The following ATP6V1H variants were observed in gnomAD, a reference collection of about 807,000 sequenced individuals.
ATP6V1H encodes V-type proton ATPase subunit H.
Under a neutral mutation model 71.7 loss-of-function variants are expected in ATP6V1H, and 39 were observed. The observed-to-expected ratio is 0.54, with a 90% CI of 0.42 to 0.71. The LOEUF (loss-of-function observed/expected upper bound fraction) is 0.71. ATP6V1H is among the 30% of genes least tolerant of loss of function. The pLI, the probability that ATP6V1H is intolerant of heterozygous loss-of-function variation, is 0.00. For synonymous variants in ATP6V1H, 192 were observed against 199.3 expected, an observed-to-expected ratio of 0.96 and a Z score of 0.31; for missense variants, 509 against 594.9, an observed-to-expected ratio of 0.86 and a Z score of 1.50.
intron 11 of ATP6V1H, among the ~76,000 whole-genome samples, chr8:53,765,175 G>C (rs1808406694): frequency 6.6e-6 from 1 of 151,976 alleles, no homozygotes; most frequent in Admixed American, 6.6e-5. Flanking sequence ...AGGCTGAGGT[G>C]GGCAGATCAC....
At chr8:53,755,722 ATATATATATATATATATATATATTT>A (rs1808017340) in intron 12 of ATP6V1H, among the ~76,000 whole-genome samples, 1 of 5,758 alleles carries the variant, frequency 1.7e-4, no homozygotes, top group African/African-American at 1.1e-3. Flanking sequence ...ATATATATAT[ATATATATATATATATATATATATTT>A]TTTTTTTTTT....
intron 9 of ATP6V1H, among the ~76,000 whole-genome samples, chr8:53,783,180 T>C (rs1179273225): frequency 2.6e-5 from 4 of 152,134 alleles, no homozygotes; most frequent in Admixed American, 1.3e-4. Context: ...CCTGGACTTT[T>C]TTTGGTTGGT....
chr8:53,779,928 G>A (rs1585778115), intron 9 of ATP6V1H, among the ~76,000 whole-genome samples: 1 of 152,094 alleles, frequency 6.6e-6, no homozygotes, highest in East Asian at 1.9e-4. Flanking sequence ...GGAGGCCAAG[G>A]CAGGCGGATC....
At chr8:53,754,760 A>C (rs921220521) in intron 12 of ATP6V1H, among the ~76,000 whole-genome samples, 14 of 152,212 alleles carry the variant, frequency 9.2e-5, no homozygotes, top group African/African-American at 2.9e-4. Flanking sequence ...GGGGCCACCC[A>C]AGTGGGACCT....
chr8:53,734,698 C>G (rs1012555768), intron 13 of ATP6V1H, among the ~76,000 whole-genome samples: 4 of 152,192 alleles, frequency 2.6e-5, no homozygotes, highest in African/African-American at 9.6e-5. Context: ...GGAACACCAG[C>G]GAGCTCCCAC....
intron 13 of ATP6V1H, among the ~76,000 whole-genome samples, chr8:53,716,684 G>C (rs1265389553): frequency 6.6e-6 from 1 of 152,110 alleles, no homozygotes; most frequent in Non-Finnish European, 1.5e-5. Flanking sequence ...GGGGCAATGG[G>C]GCTCAGAGCA....
chr8:53,798,687 C>T (rs1210504225), intron 8 of ATP6V1H, among the ~76,000 whole-genome samples: 1 of 151,600 alleles, frequency 6.6e-6, no homozygotes, highest in East Asian at 1.9e-4. Flanking sequence ...GTACATATTT[C>T]TGAAAAAATG....
rs573542237 is a variant in ATP6V1H, at chr8:53,828,333, G to C, written c.306+1111C>G. On this transcript the variant is annotated intron_variant, in intron 4 of 13. Coordinates refer to ENST00000359530, the MANE Select transcript of ATP6V1H (RefSeq NM_015941.4). The stretch of plus-strand genomic sequence containing the variant: ...ACAGAAGAGGTACACATACGGAAAG[G>C]AGAGACAAAGAACCCTGTGGTGCTG... Among the ~76,000 whole-genome samples, 6 of 152,298 alleles carry C rather than the reference G, an allele frequency of 3.9e-5. No homozygotes were observed. In the South Asian group the frequency reaches 1.2e-3, roughly 32 times the overall value.
intron 2 of ATP6V1H, among the ~76,000 whole-genome samples, chr8:53,835,594 G>T (rs1427077493): frequency 6.6e-6 from 1 of 152,160 alleles, no homozygotes; most frequent in African/African-American, 2.4e-5. Context: ...TCTGGACTTT[G>T]TAATTCACTA....
intron 9 of ATP6V1H, among the ~76,000 whole-genome samples, chr8:53,772,923 C>A (rs73682571): frequency 0.16 from 15,441 of 93,988 alleles, 2,964 homozygotes; most frequent in African/African-American, 0.53. Context: ...AAAAAAAAAA[C>A]AAAACAGTAA....
chr8:53,771,866 C>T (rs1808670509), intron 10 of ATP6V1H, 123 bp downstream of exon 10: 4 of 802,076 alleles, frequency 5.0e-6, no homozygotes, highest in Non-Finnish European at 4.1e-6. Context: ...GAGACATTAA[C>T]GTATTTTAGT....
At chr8:53,769,803 A>G (rs1336208128) in intron 10 of ATP6V1H, 60 bp from the exon 11 acceptor site, 13 of 1,433,866 alleles carry the variant, frequency 9.1e-6, no homozygotes, top group East Asian at 2.4e-5. Context: ...TCCAAAATTA[A>G]GCAAAATAAA....
At chr8:53,744,026 C>G (rs1807507741) in intron 12 of ATP6V1H, among the ~76,000 whole-genome samples, 1 of 152,048 alleles carries the variant, frequency 6.6e-6, no homozygotes, top group African/African-American at 2.4e-5. Context: ...ATCAGTATTT[C>G]TTGCTTGTTT....
chr8:53,770,441 C>G (rs1394878602), intron 10 of ATP6V1H, among the ~76,000 whole-genome samples: 1 of 152,098 alleles, frequency 6.6e-6, no homozygotes, highest in Non-Finnish European at 1.5e-5. Context: ...CATACTTGGA[C>G]TTTCTCTGAA....
intron 9 of ATP6V1H, among the ~76,000 whole-genome samples, chr8:53,789,904 A>G (rs1809515154): frequency 6.6e-6 from 1 of 152,202 alleles, no homozygotes; most frequent in Non-Finnish European, 1.5e-5. Context: ...CCCTAAGGGA[A>G]AGTCACACAA....
intron 9 of ATP6V1H, among the ~76,000 whole-genome samples, chr8:53,781,044 G>C (rs2130360894): frequency 6.6e-6 from 1 of 152,194 alleles, no homozygotes; most frequent in South Asian, 2.1e-4. Context: ...ATAATCCTTT[G>C]GGTATATACC....
chr8:53,766,423 A>G (rs750905897), intron 11 of ATP6V1H, among the ~76,000 whole-genome samples: 4 of 152,248 alleles, frequency 2.6e-5, no homozygotes, highest in Non-Finnish European at 5.9e-5. Context: ...CGTTAACTAC[A>G]CAAATTGTAC....
intron 9 of ATP6V1H, among the ~76,000 whole-genome samples, chr8:53,784,895 G>C (rs1809313719): frequency 1.3e-5 from 2 of 152,168 alleles, no homozygotes; most frequent in South Asian, 4.1e-4. Context: ...TAGAGTTTCT[G>C]CCGAGAGATC....
At chr8:53,840,842 A>G (rs1419165785) in intron 2 of ATP6V1H, among the ~76,000 whole-genome samples, 1 of 152,222 alleles carries the variant, frequency 6.6e-6, no homozygotes, top group Non-Finnish European at 1.5e-5. Flanking sequence ...TTATAAATAT[A>G]CCAAAATAAA....
Sources: gnomAD v4.1 joint callset for allele counts (sites outside exome capture counted in the v4.1 genomes callset) on GRCh38, gnomAD v4.1.1 for gene constraint, MANE v1.5 for transcripts, NCBI Gene and HGNC (gene_info 2026-07-23, HGNC 2026-07-21) for gene names.